Variants in PNPLA8 observed in about 807,000 individuals in gnomAD.
The protein encoded by PNPLA8 is calcium-independent phospholipase A2-gamma.
A neutral mutation model predicts 76.9 loss-of-function variants in PNPLA8; 39 were observed. The observed-to-expected ratio is 0.51, with a 90% CI of 0.39 to 0.66. The LOEUF (loss-of-function observed/expected upper bound fraction) is 0.66, where lower values mean the gene tolerates loss of function less well. Among genes scored for constraint, PNPLA8 ranks in the 30% least tolerant of loss-of-function variants. PNPLA8 has a pLI of 0.00. For synonymous variants in PNPLA8, 301 were observed against 307.9 expected (o/e 0.98, Z 0.24); for missense variants, 887 against 918.0 (o/e 0.97, Z 0.44).
chr7:108,486,029 T>G (rs1598884048), intron 9 of PNPLA8, among the ~76,000 whole-genome samples: 1 of 152,056 alleles, frequency 6.6e-6, no homozygotes, highest in South Asian at 2.1e-4. Flanking sequence ...GTCATCAATA[T>G]AAAAATGTCT....
At chr7:108,476,267 A>C (rs1859985736) in intron 10 of PNPLA8, among the ~76,000 whole-genome samples, 1 of 152,228 alleles carries the variant, frequency 6.6e-6, no homozygotes, top group Admixed American at 6.5e-5. Context: ...CACTGAGGCA[A>C]CATTTCATGT....
At chr7:108,475,422 T>C (rs1403213845) in intron 10 of PNPLA8, among the ~76,000 whole-genome samples, 1 of 152,132 alleles carries the variant, frequency 6.6e-6, no homozygotes, top group African/African-American at 2.4e-5. Context: ...CATATCCATA[T>C]ACATTTTACA....
intron 4 of PNPLA8, among the ~76,000 whole-genome samples, chr7:108,512,738 G>C (rs1325158877): frequency 6.6e-6 from 1 of 152,046 alleles, no homozygotes; most frequent in East Asian, 1.9e-4. Flanking sequence ...ATTATTTAAG[G>C]GAAGGGTGAC....
At chr7:108,490,835 T>A (rs1057119403) in intron 8 of PNPLA8, among the ~76,000 whole-genome samples, 1 of 151,942 alleles carries the variant, frequency 6.6e-6, no homozygotes, top group African/African-American at 2.4e-5. Context: ...CTTAAATCAC[T>A]AGATTTGATT....
chr7:108,482,605 A>G (rs1860476241), intron 9 of PNPLA8, among the ~76,000 whole-genome samples: 1 of 152,234 alleles, frequency 6.6e-6, no homozygotes, highest in East Asian at 1.9e-4. Context: ...TTTATGGATC[A>G]CTTCAGGAAT....
chr7:108,514,358 T>G, intron 3 of PNPLA8, 65 bp from the exon 4 acceptor site: 1 of 1,540,010 alleles, frequency 6.5e-7, no homozygotes, highest in Non-Finnish European at 8.8e-7. Context: ...AATGAAAGTT[T>G]CTTAGTTCTC....
intron 2 of PNPLA8, 52 bp from the exon 3 acceptor site, chr7:108,515,626 T>A: frequency 8.9e-7 from 1 of 1,121,110 alleles, no homozygotes; most frequent in Non-Finnish European, 1.1e-6. Context: ...TGAAATTGGG[T>A]ATAACAGAAA....
At chr7:108,513,725 G>T (rs1863097829) in intron 4 of PNPLA8, among the ~76,000 whole-genome samples, 1 of 152,030 alleles carries the variant, frequency 6.6e-6, no homozygotes, top group South Asian at 2.1e-4. Context: ...ATTCAATTAT[G>T]AGTAAGGTCA....
intron 1 of PNPLA8, among the ~76,000 whole-genome samples, chr7:108,522,197 G>T (rs925780341): frequency 1.3e-5 from 2 of 151,796 alleles, no homozygotes; most frequent in Non-Finnish European, 2.9e-5. Context: ...GGGAGGCTGA[G>T]GCAGAAGAAT....
At chr7:108,513,135 G>A (rs1863058186) in intron 4 of PNPLA8, among the ~76,000 whole-genome samples, 1 of 152,020 alleles carries the variant, frequency 6.6e-6, no homozygotes, top group African/African-American at 2.4e-5. Flanking sequence ...CCCAAGCTAA[G>A]GTATTTTATT....
intron 6 of PNPLA8, among the ~76,000 whole-genome samples, chr7:108,497,030 G>GATA (rs1247850909): frequency 6.6e-6 from 1 of 151,826 alleles, no homozygotes. Context: ...CCCCAATAAT[G>GATA]ATAATAATAA....
intron 8 of PNPLA8, among the ~76,000 whole-genome samples, chr7:108,490,664 G>T (rs1861091078): frequency 2.6e-5 from 4 of 151,562 alleles, no homozygotes; most frequent in African/African-American, 9.7e-5. Context: ...GCTGCCTATA[G>T]TCCCAGCTAC....
chr7:108,510,840 C>G, intron 4 of PNPLA8: 1 of 1,598,554 alleles, frequency 6.3e-7, no homozygotes, highest in South Asian at 1.1e-5. Flanking sequence ...TTCAAAGAGG[C>G]AAATAACTTC....
At chr7:108,525,178 A>C (rs1290625962) in intron 1 of PNPLA8, among the ~76,000 whole-genome samples, 1 of 152,264 alleles carries the variant, frequency 6.6e-6, no homozygotes, top group Non-Finnish European at 1.5e-5. Flanking sequence ...TAAGCAATTT[A>C]ACAAAATAGC....
intron 2 of PNPLA8, among the ~76,000 whole-genome samples, chr7:108,518,506 G>A (rs1315147177): frequency 6.6e-6 from 1 of 151,828 alleles, no homozygotes; most frequent in African/African-American, 2.4e-5. Context: ...ATGAACTTGG[G>A]GGACTGCGTG....
intron 9 of PNPLA8, among the ~76,000 whole-genome samples, chr7:108,485,841 A>G (rs1407453881): frequency 2.6e-5 from 4 of 152,054 alleles, no homozygotes; most frequent in Non-Finnish European, 1.5e-5. Context: ...TAATATTTTT[A>G]TTAATTAAAT....
intron 8 of PNPLA8, among the ~76,000 whole-genome samples, chr7:108,490,706 C>T (rs1398675279): frequency 6.6e-6 from 1 of 151,694 alleles, no homozygotes; most frequent in Non-Finnish European, 1.5e-5. Context: ...ATGGCGTGAG[C>T]CCGGGAGGCG....
At chr7:108,511,463 T>G (rs921846766) in intron 4 of PNPLA8, among the ~76,000 whole-genome samples, 15 of 152,128 alleles carry the variant, frequency 9.9e-5, no homozygotes, top group African/African-American at 3.6e-4. Flanking sequence ...AATGTTTAAC[T>G]CAATCAAGCC....
intron 10 of PNPLA8, among the ~76,000 whole-genome samples, chr7:108,474,579 T>C (rs2396001): frequency 0.65 from 98,508 of 152,076 alleles, 32,485 homozygotes; most frequent in African/African-American, 0.77. Flanking sequence ...ATATTAGCCA[T>C]GAACGACTGT....
Sources: allele counts gnomAD v4.1 joint callset (sites outside exome capture counted in the v4.1 genomes callset), GRCh38; gene constraint gnomAD v4.1.1; transcripts MANE v1.5; gene names NCBI Gene and HGNC (gene_info 2026-07-23, HGNC 2026-07-21).